Variants in CCDC85A observed in about 807,000 individuals in gnomAD.
CCDC85A encodes the protein coiled-coil domain-containing protein 85A.
In CCDC85A, 38 loss-of-function variants were observed where a neutral mutation model predicts 50.2. The observed-to-expected ratio is 0.76, with a 90% CI of 0.58 to 0.99. The LOEUF is 0.99. Ranked by LOEUF, CCDC85A falls within the 50% of genes least tolerant of loss-of-function variation. The pLI is 0.00. For synonymous variants in CCDC85A, 366 were observed against 301.4 expected, an observed-to-expected ratio of 1.21 and a Z score of -2.22; for missense variants, 820 against 742.0, an observed-to-expected ratio of 1.11 and a Z score of -1.22.
chr2:56,326,819 A>C (rs892590257), intron 2 of CCDC85A, among the ~76,000 whole-genome samples: 3 of 151,670 alleles, frequency 2.0e-5, no homozygotes, highest in Non-Finnish European at 2.9e-5. Flanking sequence ...ATTCCTTTAC[A>C]CTAGGATTAA....
At chr2:56,374,880 G>T (rs1398975474) in intron 4 of CCDC85A, among the ~76,000 whole-genome samples, 1 of 152,176 alleles carries the variant, frequency 6.6e-6, no homozygotes, top group Non-Finnish European at 1.5e-5. Context: ...CCTCTTCGGG[G>T]TGTTAGATTG....
chr2:56,342,644 A>T (rs1334634964), intron 2 of CCDC85A, among the ~76,000 whole-genome samples: 3 of 152,192 alleles, frequency 2.0e-5, no homozygotes, highest in African/African-American at 2.4e-5. Flanking sequence ...TACCACCTGT[A>T]AATATGCCAG....
intron 2 of CCDC85A, among the ~76,000 whole-genome samples, chr2:56,222,513 A>T (rs2193475): frequency 2.0e-5 from 3 of 151,856 alleles, no homozygotes; most frequent in Non-Finnish European, 4.4e-5. Flanking sequence ...CTGGGCTGGA[A>T]TTTTTCACTT....
intron 5 of CCDC85A, among the ~76,000 whole-genome samples, chr2:56,378,650 A>C (rs1264803398): frequency 1.3e-5 from 2 of 152,168 alleles, no homozygotes; most frequent in Non-Finnish European, 2.9e-5. Context: ...CAAATTAATG[A>C]GTGTAGTTTG....
At chr2:56,183,938 G>A (rs879378385), upstream of CCDC85A, 71 of 985,282 alleles carry the variant, frequency 7.2e-5, no homozygotes, top group African/African-American at 2.6e-4. Context: ...TGCGGGTTAC[G>A]GGTGGCCCCA....
intron 2 of CCDC85A, among the ~76,000 whole-genome samples, chr2:56,300,867 G>C (rs1672170309): frequency 6.6e-6 from 1 of 152,146 alleles, no homozygotes. Context: ...TTGCAAGGTC[G>C]ATGAATCTTG....
Position 56,230,725 on chromosome 2 carries a change from ATTTGAAAATTTATTTCG to A in CCDC85A, c.1240+37289_1240+37305del, listed in dbSNP as rs199637579. 5.3e-5 allele frequency among the ~76,000 whole-genome samples: 8 copies of A among 152,316 alleles called. 1 individual carries two copies. The East Asian group carries it at 1.5e-3, about 29-fold the overall frequency. ...CTTTTTCAAAATAACAAAATGTCTC[ATTTGAAAATTTATTTCG>A]TTTTTTAACTTTGACTTGTTTATCA... On this transcript the variant is annotated intron_variant, in intron 2 of 5. Transcript: ENST00000407595.
At chr2:56,295,475 C>G (rs2104164841) in intron 2 of CCDC85A, among the ~76,000 whole-genome samples, 2 of 152,254 alleles carry the variant, frequency 1.3e-5, no homozygotes, top group South Asian at 4.1e-4. Context: ...TGTGATGTAG[C>G]AAATCAGCTT....
chr2:56,256,847 C>T (rs1670004947), intron 2 of CCDC85A, among the ~76,000 whole-genome samples: 1 of 152,206 alleles, frequency 6.6e-6, no homozygotes, highest in Non-Finnish European at 1.5e-5. Context: ...AAAAGTAAAT[C>T]AGGTTCCAGT....
At position 56,184,366 on chromosome 2, in the gene CCDC85A, C is replaced by G. The variant is rs954285053; in HGVS notation, c.-259C>G. 176 of 491,580 alleles carry G rather than the reference C, an allele frequency of 3.6e-4. No individual in the cohort carries two copies. The East Asian group carries it at 8.0e-3, about 22-fold the overall frequency. 30.5% of individuals were successfully genotyped at this position (491,580 alleles called of 1,614,324 possible). On this transcript the variant is annotated 5_prime_UTR_variant, in exon 1 of 6. Coordinates refer to ENST00000407595, the MANE Select transcript of CCDC85A (RefSeq NM_001080433.2). ...CCCAGTGCCCCTCACCATGGACTTG[C>G]GCGGAGTTGGGACGGGCCTCGGCAG...
chr2:56,244,338 C>T (rs1316265861), intron 2 of CCDC85A, among the ~76,000 whole-genome samples: 1 of 152,112 alleles, frequency 6.6e-6, no homozygotes, highest in Non-Finnish European at 1.5e-5. Flanking sequence ...ACTGCCTATG[C>T]CTACCACCAC....
chr2:56,342,004 G>A (rs1553414185), intron 2 of CCDC85A, among the ~76,000 whole-genome samples: 1 of 150,164 alleles, frequency 6.7e-6, no homozygotes, highest in South Asian at 2.1e-4. Flanking sequence ...TTTTTTTAAT[G>A]TAGCTTTGTA....
chr2:56,247,690 A>C (rs1669573595), intron 2 of CCDC85A, among the ~76,000 whole-genome samples: 1 of 152,256 alleles, frequency 6.6e-6, no homozygotes, highest in Non-Finnish European at 1.5e-5. Context: ...CTAGGCCATG[A>C]AAAAACATAA....
At position 56,184,265 on chromosome 2, in the gene CCDC85A, G is replaced by A. The variant is rs1478512629; in HGVS notation, c.-360G>A. ...CGGGGGGCGACAGTCTCGGCTTAGGGCGGAGGAGAGGGCAGGGGAACGGCG... is the reference window on the plus strand; with the variant it reads ...CGGGGGGCGACAGTCTCGGCTTAGGACGGAGGAGAGGGCAGGGGAACGGCG... On this transcript the variant is annotated 5_prime_UTR_variant, in exon 1 of 6. Transcript: ENST00000407595. 11 of 885,588 alleles carry A rather than the reference G, an allele frequency of 1.2e-5. No homozygotes were observed. The highest frequency in any genetic ancestry group is 8.3e-5 in the East Asian group (1 of 12,096). 54.9% of individuals were successfully genotyped at this position (885,588 alleles called of 1,614,324 possible). A position where few individuals can be genotyped will look rare whatever the true frequency, so the allele number is the denominator to read the frequency against.
intron 2 of CCDC85A, among the ~76,000 whole-genome samples, chr2:56,208,269 A>G (rs1310208462): frequency 6.6e-6 from 1 of 152,136 alleles, no homozygotes; most frequent in Non-Finnish European, 1.5e-5. Context: ...CAGGATACCA[A>G]ATTTCATTAG....
intron 2 of CCDC85A, among the ~76,000 whole-genome samples, chr2:56,234,774 A>T (rs1427785269): frequency 1.3e-5 from 2 of 151,978 alleles, no homozygotes; most frequent in African/African-American, 4.8e-5. Context: ...ATCTTCCTTT[A>T]CCTGAGTGTT....
chr2:56,373,317 G>T (rs190814139), intron 4 of CCDC85A, among the ~76,000 whole-genome samples: 2 of 150,994 alleles, frequency 1.3e-5, no homozygotes, highest in Admixed American at 1.3e-4. Context: ...TCCCCCCACT[G>T]TATACTCCAG....
At position 56,268,220 on chromosome 2, in the gene CCDC85A, G is replaced by A. The variant is rs113055822; in HGVS notation, c.1241-74659G>A. Reference sequence around the variant, plus strand: ...AGAATCAATTATCTTATGGAACATTGAAGACAAGAATCTATAAGGATCTGC... The same window carrying A: ...AGAATCAATTATCTTATGGAACATTAAAGACAAGAATCTATAAGGATCTGC... On this transcript the variant is annotated intron_variant, in intron 2 of 5. Transcript: ENST00000407595. 2.7e-3 allele frequency among the ~76,000 whole-genome samples: 414 copies of A among 152,220 alleles called. 5 individuals are homozygous for A. Among genetic ancestry groups the A allele is most frequent in the African/African-American group, 9.5e-3 (394 of 41,536 alleles).
Position 56,324,109 on chromosome 2 carries a change from A to G in CCDC85A, c.1241-18770A>G, listed in dbSNP as rs552301754. On this transcript the variant is annotated intron_variant, in intron 2 of 5. Transcript: ENST00000407595. Reference sequence around the variant, plus strand: ...TCTTAAGGACAAACTGCAAATTAAAAACAATTCATCTTGTCCTATTCCTGT... The same window carrying G: ...TCTTAAGGACAAACTGCAAATTAAAGACAATTCATCTTGTCCTATTCCTGT... Among the ~76,000 whole-genome samples, 43 of 152,258 alleles carry G rather than the reference A, an allele frequency of 2.8e-4. 1 individual carries two copies. Among genetic ancestry groups the G allele is most frequent in the Admixed American group, 9.2e-4 (14 of 15,264 alleles).
Sources: gnomAD v4.1 joint callset for allele counts (sites outside exome capture counted in the v4.1 genomes callset) on GRCh38, gnomAD v4.1.1 for gene constraint, MANE v1.5 for transcripts, NCBI Gene and HGNC (gene_info 2026-07-23, HGNC 2026-07-21) for gene names.